CPEB3: variants seen among roughly 807,000 people sequenced by gnomAD.
CPEB3 encodes cytoplasmic polyadenylation element binding protein 3.
Under a neutral mutation model 67.2 loss-of-function variants are expected in CPEB3, and 20 were observed. The ratio of observed to expected loss-of-function variants is 0.30; its 90% CI spans 0.21 to 0.43. The LOEUF is 0.43. Ranked by LOEUF, CPEB3 falls within the 20% of genes least tolerant of loss-of-function variation. CPEB3 has a pLI of 1.00. For synonymous variants in CPEB3, 376 were observed against 393.1 expected (o/e 0.96, Z 0.51); for missense variants, 746 against 968.6 (o/e 0.77, Z 3.05).
intron 1 of CPEB3, chr10:92,243,236 G>A (rs998415736): frequency 6.6e-6 from 1 of 152,080 alleles, no homozygotes; most frequent in Non-Finnish European, 1.5e-5. Flanking sequence ...TCTTCTTTCA[G>A]GTTGATTATG....
At chr10:92,077,432 A>G (rs1165315966) in intron 9 of CPEB3, among the ~76,000 whole-genome samples, 1 of 152,122 alleles carries the variant, frequency 6.6e-6, no homozygotes, top group African/African-American at 2.4e-5. Context: ...CCAACTCAAG[A>G]TGGAAGTTGG....
At chr10:92,071,406 G>A (rs944215515) in intron 9 of CPEB3, among the ~76,000 whole-genome samples, 4 of 152,072 alleles carry the variant, frequency 2.6e-5, no homozygotes, top group African/African-American at 9.7e-5. Context: ...GCTAGGCTAA[G>A]GGATATTCAA....
At chr10:92,289,915 T>G (rs1842762970) in intron 1 of CPEB3, among the ~76,000 whole-genome samples, 1 of 118,472 alleles carries the variant, frequency 8.4e-6, no homozygotes, top group Admixed American at 9.3e-5. Context: ...GGAGTGTGTG[T>G]GTATGTGTGT....
chr10:92,187,955 G>A (rs1848770409), intron 3 of CPEB3, among the ~76,000 whole-genome samples: 1 of 152,150 alleles, frequency 6.6e-6, no homozygotes, highest in Non-Finnish European at 1.5e-5. Flanking sequence ...TAGCACTTTG[G>A]GAGACTGAGG....
At chr10:92,244,459 ATGG>A (rs1218715029) in intron 1 of CPEB3, among the ~76,000 whole-genome samples, 3 of 150,006 alleles carry the variant, frequency 2.0e-5, no homozygotes, top group Admixed American at 2.0e-4. Context: ...TTTTTTTGAG[ATGG>A]AGTCTCTCTC....
chr10:92,159,209 G>A lies in CPEB3; in HGVS notation c.1223-14124C>T, dbSNP rs190819968. The stretch of plus-strand genomic sequence containing the variant: ...ACCTTGGAGGTAGAGGTTGCAGTGA[G>A]CTGAGATCACGCCACTGCACTCCAG... On this transcript the variant is annotated intron_variant, in intron 4 of 9. Transcript: ENST00000265997. Among the ~76,000 whole-genome samples the A allele has an allele frequency of 2.7e-3, 411 of 152,240 alleles. 4 individuals carry two copies. Among genetic ancestry groups the A allele is most frequent in the Middle Eastern group, 6.8e-3 (2 of 294 alleles).
At chr10:92,257,583 C>T (rs758872401) in intron 1 of CPEB3, among the ~76,000 whole-genome samples, 7 of 152,116 alleles carry the variant, frequency 4.6e-5, no homozygotes, top group Non-Finnish European at 7.4e-5. Flanking sequence ...GGGTGAACCA[C>T]CTTGCCAACA....
intron 1 of CPEB3, among the ~76,000 whole-genome samples, chr10:92,253,891 C>CA (rs1852411792): frequency 6.6e-6 from 1 of 152,108 alleles, no homozygotes; most frequent in Non-Finnish European, 1.5e-5. Context: ...ATGTGCCAGG[C>CA]TGTACTAGAG....
intron 2 of CPEB3, among the ~76,000 whole-genome samples, chr10:92,235,717 TA>T (rs1851498651): frequency 1.3e-5 from 2 of 152,226 alleles, no homozygotes; most frequent in South Asian, 4.1e-4. Context: ...AGTGGAGACT[TA>T]AATCCAGGCA....
At chr10:92,214,043 C>T (rs541556164) in intron 2 of CPEB3, among the ~76,000 whole-genome samples, 1 of 152,304 alleles carries the variant, frequency 6.6e-6, no homozygotes, top group East Asian at 1.9e-4. Context: ...AAGTAACACA[C>T]AACCATTTTC....
intron 2 of CPEB3, among the ~76,000 whole-genome samples, chr10:92,224,172 T>C (rs1850848796): frequency 6.6e-6 from 1 of 152,232 alleles, no homozygotes; most frequent in Non-Finnish European, 1.5e-5. Context: ...AGTGCTGGGA[T>C]TACAGGCGTG....
rs192941674 is a variant in CPEB3, at chr10:92,234,244, A to G, written c.1005+5102T>C. On this transcript the variant is annotated intron_variant, in intron 2 of 9. Coordinates refer to ENST00000265997, the MANE Select transcript of CPEB3 (RefSeq NM_014912.5). ...AGCCTGCTTCTGTGACAAATTATCA[A>G]CCAGAACCTGGGTAAGTCACTTCCT... Among the ~76,000 whole-genome samples, 58 of 152,334 alleles carry G rather than the reference A, an allele frequency of 3.8e-4. 2 individuals are homozygous for G. In the East Asian group the frequency reaches 6.9e-3, roughly 18 times the overall value.
At chr10:92,188,435 A>G in intron 3 of CPEB3, among the ~76,000 whole-genome samples, 1 of 151,606 alleles carries the variant, frequency 6.6e-6, no homozygotes, top group East Asian at 1.9e-4. Context: ...TAAATAAATT[A>G]GTCCGGCTGG....
chr10:92,106,604 G>A (rs1372886924), intron 7 of CPEB3, among the ~76,000 whole-genome samples: 1 of 151,678 alleles, frequency 6.6e-6, no homozygotes, highest in Non-Finnish European at 1.5e-5. Flanking sequence ...CACCTGAGGT[G>A]AGGAGTTCGA....
intron 7 of CPEB3, among the ~76,000 whole-genome samples, chr10:92,110,544 G>T (rs575285636): frequency 6.6e-6 from 1 of 152,116 alleles, no homozygotes; most frequent in East Asian, 1.9e-4. Flanking sequence ...CACAAACTCT[G>T]TATTATGGTT....
chr10:92,134,593 G>C (rs1011706254), intron 6 of CPEB3, among the ~76,000 whole-genome samples: 21 of 151,836 alleles, frequency 1.4e-4, no homozygotes, highest in African/African-American at 5.1e-4. Context: ...ACTGCCCAAG[G>C]TAATTTATAG....
At chr10:92,080,068 A>G (rs1332072003) in intron 9 of CPEB3, among the ~76,000 whole-genome samples, 1 of 151,832 alleles carries the variant, frequency 6.6e-6, no homozygotes, top group Non-Finnish European at 1.5e-5. Flanking sequence ...TTAGCCGGGC[A>G]TCATGGCGGG....
At position 92,143,125 on chromosome 10, in the gene CPEB3, A is replaced by C; in HGVS notation, c.1364-7T>G. ...AAGCTGGCAGTGATCTCATCTACAA[A>C]ACAAAGAAAGAATCTTAGCAAAAGA... is the stretch of plus-strand genomic sequence containing the variant. On this transcript the variant is annotated splice_polypyrimidine_tract_variant and splice_region_variant and intron_variant, in intron 5 of 9. Coordinates refer to ENST00000265997, the MANE Select transcript of CPEB3 (RefSeq NM_014912.5). 3 of 1,607,110 alleles carry C rather than the reference A, an allele frequency of 1.9e-6. No homozygotes were observed. The highest frequency in any genetic ancestry group is 2.6e-6 in the Non-Finnish European group (3 of 1,175,346).
chr10:92,237,149 C>G (rs1221387549), intron 2 of CPEB3, among the ~76,000 whole-genome samples: 1 of 152,154 alleles, frequency 6.6e-6, no homozygotes, highest in Non-Finnish European at 1.5e-5. Flanking sequence ...CTAACACAAA[C>G]TTGGTACGGT....
Sources: allele counts gnomAD v4.1 joint callset (sites outside exome capture counted in the v4.1 genomes callset), GRCh38; gene constraint gnomAD v4.1.1; transcripts MANE v1.5; gene names NCBI Gene and HGNC (gene_info 2026-07-23, HGNC 2026-07-21).